LAPTM5: variants seen among roughly 807,000 people sequenced by gnomAD.
LAPTM5 encodes lysosomal-associated transmembrane protein 5.
In LAPTM5, 11 loss-of-function variants were observed where a neutral mutation model predicts 30.1. The observed-to-expected ratio is 0.37, with a 90% confidence interval of 0.23 to 0.60. The LOEUF is 0.60. LAPTM5 is among the 20% of genes least tolerant of loss of function. The pLI is 0.71. For synonymous variants in LAPTM5, 151 were observed against 137.9 expected (o/e 1.10, Z -0.67); for missense variants, 324 against 332.5 (o/e 0.97, Z 0.20).
At chr1:30,748,626 A>G (rs887764298) in intron 1 of LAPTM5, among the ~76,000 whole-genome samples, 1 of 152,112 alleles carries the variant, frequency 6.6e-6, no homozygotes, top group Non-Finnish European at 1.5e-5. Context: ...CAAGAGCACT[A>G]TCTCCCCAAC....
chr1:30,743,382 G>A (rs1174290578), intron 1 of LAPTM5, among the ~76,000 whole-genome samples: 3 of 152,162 alleles, frequency 2.0e-5, no homozygotes, highest in Admixed American at 6.5e-5. Context: ...TGGAAGGGGC[G>A]AATCTGATAG....
Position 30,733,392 on chromosome 1 carries a change from A to G in LAPTM5, c.*436T>C, listed in dbSNP as rs1639840586. 2 of 498,372 alleles carry G rather than the reference A, an allele frequency of 4.0e-6. No individual in the cohort carries two copies. Among genetic ancestry groups the G allele is most frequent in the South Asian group, 2.3e-5 (1 of 43,872 alleles). 30.9% of individuals were successfully genotyped at this position (498,372 alleles called of 1,614,324 possible). ...TTAATGATTACTTGATTAAATTGCT[A>G]TGTGAACTGACAACTATTTATAAAT... On this transcript the variant is annotated 3_prime_UTR_variant, in exon 8 of 8. Transcript: ENST00000294507.
At chr1:30,738,733 T>C (rs1380371878) in intron 5 of LAPTM5, among the ~76,000 whole-genome samples, 1 of 152,234 alleles carries the variant, frequency 6.6e-6, no homozygotes, top group Non-Finnish European at 1.5e-5. Context: ...TTTGCTTGGC[T>C]TCCTCCTTTT....
chr1:30,741,525 G>A, intron 3 of LAPTM5, 115 bp downstream of exon 3: 2 of 578,702 alleles, frequency 3.5e-6, no homozygotes, highest in Non-Finnish European at 5.7e-6. Flanking sequence ...CCAGAACGCA[G>A]GTGGGACCGC....
chr1:30,740,870 A>C (rs1639960988), intron 3 of LAPTM5, among the ~76,000 whole-genome samples: 1 of 152,122 alleles, frequency 6.6e-6, no homozygotes, highest in Non-Finnish European at 1.5e-5. Context: ...AACCAGCACC[A>C]AATCATCGCC....
intron 1 of LAPTM5, among the ~76,000 whole-genome samples, chr1:30,757,435 C>G (rs912916347): frequency 6.6e-6 from 1 of 152,214 alleles, no homozygotes; most frequent in African/African-American, 2.4e-5. Flanking sequence ...TGGATTCCAG[C>G]TCCCTTACTC....
intron 1 of LAPTM5, among the ~76,000 whole-genome samples, chr1:30,751,877 G>A (rs1640143794): frequency 1.3e-5 from 2 of 152,212 alleles, no homozygotes; most frequent in South Asian, 4.1e-4. Context: ...CCCATTTACA[G>A]ATGAGGAAGG....
At chr1:30,751,127 G>A (rs952793839) in intron 1 of LAPTM5, among the ~76,000 whole-genome samples, 3 of 152,268 alleles carry the variant, frequency 2.0e-5, no homozygotes, top group Non-Finnish European at 4.4e-5. Flanking sequence ...GCCAGGCCAG[G>A]CTAGGCCCTT....
chr1:30,734,422 A>T (rs902455076), intron 7 of LAPTM5, among the ~76,000 whole-genome samples: 8 of 152,168 alleles, frequency 5.3e-5, no homozygotes, highest in Non-Finnish European at 1.2e-4. Context: ...ACCACAAGGG[A>T]TGGGCTTCCG....
intron 7 of LAPTM5, among the ~76,000 whole-genome samples, chr1:30,734,768 C>T (rs1639862235): frequency 6.6e-6 from 1 of 152,232 alleles, no homozygotes; most frequent in South Asian, 2.1e-4. Flanking sequence ...ATTGACCCTC[C>T]AAGACCAGTT....
In LAPTM5 at chr1:30,757,668, G is replaced by T; in HGVS notation, c.78C>A (p.Ile26=). The change falls in exon 1 of 8, where the codon ATC becomes ATA. Residue 26 remains isoleucine, a synonymous_variant. Transcript: ENST00000294507. ...GGGCCCGCACACTCACCACATGGTA[G>T]ATGGCCAGGGCGGTGGTTGCGATGC... ...NVRIATTALA[I]YHVIMSVLLF... is the part of the protein sequence containing the mutation. The T allele has an allele frequency of 6.2e-7, 1 of 1,613,728 alleles. No individual in the cohort carries two copies. Among genetic ancestry groups the T allele is most frequent in the Non-Finnish European group, 8.5e-7 (1 of 1,179,996 alleles).
At chr1:30,737,032 T>A (rs1228451702) in intron 6 of LAPTM5, among the ~76,000 whole-genome samples, 1 of 152,224 alleles carries the variant, frequency 6.6e-6, no homozygotes, top group Non-Finnish European at 1.5e-5. Context: ...TTCTTGTCTC[T>A]TCACGTTGCT....
chr1:30,757,576 G>A (rs1640229583), intron 1 of LAPTM5, 83 bp downstream of exon 1: 2 of 1,396,102 alleles, frequency 1.4e-6, no homozygotes, highest in Non-Finnish European at 2.0e-6. Flanking sequence ...TTCATTTGTG[G>A]GGCTCCGTAG....
chr1:30,757,705 C>G lies in LAPTM5; in HGVS notation c.41G>C (p.Cys14Ser). The G allele has an allele frequency of 6.2e-7, 1 of 1,613,892 alleles. No individual in the cohort carries two copies. The highest frequency in any genetic ancestry group is 8.5e-7 in the Non-Finnish European group (1 of 1,180,042). Residue 14 changes from cysteine (C) to serine (S), a missense_variant, in exon 1 of 8, where the codon TGC becomes TCC. Transcript: ENST00000294507. ...RLSTVRQTCC[C>S]FNVRIATTAL... ...GGTGGTTGCGATGCGGACATTGAAGCAGCAGCAGGTCTGGCGGACAGTGGA... is the reference window on the plus strand; with the variant it reads ...GGTGGTTGCGATGCGGACATTGAAGGAGCAGCAGGTCTGGCGGACAGTGGA...
chr1:30,736,886 T>C (rs1321943632), intron 6 of LAPTM5, among the ~76,000 whole-genome samples: 2 of 152,158 alleles, frequency 1.3e-5, no homozygotes, highest in Admixed American at 1.3e-4. Flanking sequence ...CCCACAAAAT[T>C]CCCCACAAGA....
chr1:30,750,730 A>C (rs1422180068), intron 1 of LAPTM5, among the ~76,000 whole-genome samples: 2 of 152,184 alleles, frequency 1.3e-5, no homozygotes, highest in Non-Finnish European at 2.9e-5. Flanking sequence ...TATCTAACAC[A>C]GGCTGCAGAG....
intron 6 of LAPTM5, among the ~76,000 whole-genome samples, chr1:30,735,499 C>A (rs1265995305): frequency 6.6e-6 from 1 of 152,206 alleles, no homozygotes; most frequent in Non-Finnish European, 1.5e-5. Context: ...ATTTGGGGGG[C>A]TTCTAGCCCA....
intron 1 of LAPTM5, among the ~76,000 whole-genome samples, chr1:30,752,365 G>A (rs575914376): frequency 3.3e-5 from 5 of 152,216 alleles, no homozygotes; most frequent in African/African-American, 4.8e-5. Flanking sequence ...CAAAGGACTC[G>A]GGCAGGTCCC....
intron 1 of LAPTM5, among the ~76,000 whole-genome samples, chr1:30,748,697 C>A (rs532990176): frequency 6.6e-6 from 1 of 152,370 alleles, no homozygotes; most frequent in African/African-American, 2.4e-5. Context: ...ACGCACTCCG[C>A]AGCAGCCCGG....
Sources: gnomAD v4.1 joint callset for allele counts (sites outside exome capture counted in the v4.1 genomes callset) on GRCh38, gnomAD v4.1.1 for gene constraint, MANE v1.5 for transcripts, NCBI Gene and HGNC (gene_info 2026-07-23, HGNC 2026-07-21) for gene names.